The following BAZ2B variants were observed in gnomAD, a reference collection of about 807,000 sequenced individuals.
The protein encoded by BAZ2B is bromodomain adjacent to zinc finger domain protein 2B.
BAZ2B carries 91 observed loss-of-function variants against 246.0 expected under a neutral mutation model. The observed-to-expected ratio is 0.37, with a 90% CI of 0.31 to 0.44. BAZ2B has a LOEUF of 0.44. Ranked by LOEUF, BAZ2B falls within the 20% of genes least tolerant of loss-of-function variation. The pLI, the probability that BAZ2B is intolerant of heterozygous loss-of-function variation, is 1.00. For synonymous variants in BAZ2B, 855 were observed against 860.0 expected (o/e 0.99, Z 0.10); for missense variants, 2,332 against 2,533.7 (o/e 0.92, Z 1.71).
intron 33 of BAZ2B, among the ~76,000 whole-genome samples, chr2:159,334,385 T>C (rs746631734): frequency 6.6e-6 from 1 of 152,176 alleles, no homozygotes; most frequent in Non-Finnish European, 1.5e-5. Flanking sequence ...TAAAGCATAC[T>C]GTGGGTAGAG....
chr2:159,554,228 A>G (rs1226760108), intron 2 of BAZ2B, among the ~76,000 whole-genome samples: 1 of 152,184 alleles, frequency 6.6e-6, no homozygotes, highest in East Asian at 1.9e-4. Context: ...CCTAAAAATA[A>G]ACTGTGGGAA....
chr2:159,432,211 T>A lies in BAZ2B; in HGVS notation c.1900+546A>T, dbSNP rs146097236. ...TTTATGTTTTCAGTCTTCTGTGGAA[T>A]GAGGAGAGGGAAGGAAAATAAAAAT... is the stretch of plus-strand genomic sequence containing the variant. On this transcript the variant is annotated intron_variant, in intron 9 of 36. Coordinates refer to ENST00000392783, the MANE Select transcript of BAZ2B (RefSeq NM_013450.4). Among the ~76,000 whole-genome samples the A allele has an allele frequency of 3.1e-3, 463 of 151,662 alleles. 3 individuals are homozygous for A. Among genetic ancestry groups the A allele is most frequent in the African/African-American group, 0.011 (443 of 41,366 alleles).
chr2:159,419,868 T>G (rs537277353), intron 13 of BAZ2B: 1 of 152,364 alleles, frequency 6.6e-6, no homozygotes, highest in East Asian at 1.9e-4. Context: ...CCCACGGCTA[T>G]GTTGCATTAG....
At chr2:159,501,045 G>T (rs1405662805) in intron 2 of BAZ2B, among the ~76,000 whole-genome samples, 1 of 141,352 alleles carries the variant, frequency 7.1e-6, no homozygotes, top group Non-Finnish European at 1.5e-5. Context: ...TGAGGCAGGC[G>T]GACTGCTTGA....
chr2:159,599,793 G>A (rs1459594929), intron 1 of BAZ2B, among the ~76,000 whole-genome samples: 5 of 151,124 alleles, frequency 3.3e-5, no homozygotes, highest in Admixed American at 6.6e-5. Context: ...AAAATTAGCC[G>A]GGCGTGGTAG....
intron 17 of BAZ2B, 99 bp downstream of exon 17, chr2:159,400,500 C>A: frequency 1.4e-6 from 1 of 717,770 alleles, no homozygotes; most frequent in Non-Finnish European, 2.3e-6. Context: ...ATCTGACAAA[C>A]AATTTGTGTG....
chr2:159,370,381 T>A (rs2060705126), intron 27 of BAZ2B, among the ~76,000 whole-genome samples: 2 of 20,162 alleles, frequency 9.9e-5, no homozygotes, highest in Non-Finnish European at 7.6e-4. Flanking sequence ...GTACTACCTT[T>A]TTTTTTTTTT....
rs546466546 is a variant in BAZ2B, at chr2:159,320,102, A to G, written c.*163T>C. The stretch of plus-strand genomic sequence containing the variant: ...GAGGGCCTTGGTTGTTGTAGGAATG[A>G]AGCCTTTAAAAATGGTATCATTCTT... On this transcript the variant is annotated 3_prime_UTR_variant, in exon 37 of 37. Coordinates refer to ENST00000392783, the MANE Select transcript of BAZ2B (RefSeq NM_013450.4). The G allele has an allele frequency of 9.8e-6, 6 of 610,968 alleles. 1 individual carries two copies. In the South Asian group the frequency reaches 2.7e-4, roughly 27 times the overall value. 37.8% of individuals were successfully genotyped at this position (610,968 alleles called of 1,614,324 possible). A position where few individuals can be genotyped will look rare whatever the true frequency, so the allele number is the denominator to read the frequency against.
chr2:159,611,595 G>A (rs1694731197), intron 1 of BAZ2B, among the ~76,000 whole-genome samples: 1 of 151,762 alleles, frequency 6.6e-6, no homozygotes, highest in African/African-American at 2.4e-5. Flanking sequence ...ATATTGTAGA[G>A]GAAGTTTTGA....
intron 20 of BAZ2B, among the ~76,000 whole-genome samples, chr2:159,391,399 T>C (rs1274976349): frequency 6.6e-6 from 1 of 152,162 alleles, no homozygotes; most frequent in Non-Finnish European, 1.5e-5. Context: ...CTTCTCAGAA[T>C]GTATTGTCAT....
the BAZ2B span, among the ~76,000 whole-genome samples, chr2:159,705,698 T>C: frequency 1.3e-5 from 2 of 152,286 alleles, no homozygotes; most frequent in South Asian, 4.1e-4. Context: ...AAGAGATCAA[T>C]TGAGAATAAT....
intron 1 of BAZ2B, chr2:159,615,746 G>A (rs956785441): frequency 2.0e-5 from 3 of 152,272 alleles, no homozygotes; most frequent in African/African-American, 7.2e-5. Flanking sequence ...TGTTTTTTAA[G>A]AAGCAAAACT....
At chr2:159,629,590 C>T in the BAZ2B span, among the ~76,000 whole-genome samples, 1 of 151,892 alleles carries the variant, frequency 6.6e-6, no homozygotes, top group South Asian at 2.1e-4. Context: ...AAGCAAACAC[C>T]GCATGTTCTC....
Position 159,478,690 on chromosome 2 carries a change from T to C in BAZ2B, c.30A>G (p.Ser10=). 1 of 1,601,296 alleles carries C rather than the reference T, an allele frequency of 6.2e-7. No homozygotes were observed. The highest frequency in any genetic ancestry group is 8.5e-7 in the Non-Finnish European group (1 of 1,173,244). ...AAGTTGGTGTAGTAGAGGAGGCTGC[T>C]GAGGATGGTAACCGTTCTCCAGACT... MESGERLPS[S]AASSTTPTSS... The change falls in exon 3 of 37, where the codon TCA becomes TCG. Residue 10 remains serine (S), a synonymous_variant. Transcript: ENST00000392783.
At chr2:159,598,664 C>A (rs1482558456) in intron 1 of BAZ2B, among the ~76,000 whole-genome samples, 2 of 151,854 alleles carry the variant, frequency 1.3e-5, no homozygotes, top group East Asian at 3.9e-4. Context: ...CCCGGCCAAA[C>A]AGACCAGCCT....
chr2:159,664,047 C>T, the BAZ2B span, among the ~76,000 whole-genome samples: 2 of 61,552 alleles, frequency 3.2e-5, no homozygotes, highest in African/African-American at 1.2e-4. Flanking sequence ...CCACCACAGT[C>T]CCCAGAGTGT....
upstream of BAZ2B, among the ~76,000 whole-genome samples, chr2:159,619,747 A>C (rs1430963047): frequency 1.3e-5 from 2 of 152,046 alleles, no homozygotes; most frequent in Admixed American, 1.3e-4. Flanking sequence ...TGCTTAAATT[A>C]TTTTTAAAAT....
intron 25 of BAZ2B, among the ~76,000 whole-genome samples, chr2:159,375,136 A>C (rs901769537): frequency 6.6e-6 from 1 of 152,128 alleles, no homozygotes; most frequent in Non-Finnish European, 1.5e-5. Flanking sequence ...TAAGCCCAGA[A>C]GTTCAAGGCT....
chr2:159,555,110 T>A (rs981520337), intron 2 of BAZ2B, among the ~76,000 whole-genome samples: 3 of 145,198 alleles, frequency 2.1e-5, no homozygotes, highest in East Asian at 3.9e-4. Flanking sequence ...TTTTTTTTTT[T>A]AGAGATGGAG....
Sources: gnomAD v4.1 joint callset for allele counts (sites outside exome capture counted in the v4.1 genomes callset) on GRCh38, gnomAD v4.1.1 for gene constraint, MANE v1.5 for transcripts, NCBI Gene and HGNC (gene_info 2026-07-23, HGNC 2026-07-21) for gene names.